Variants in SYTL3 observed in about 807,000 individuals in gnomAD.
The protein encoded by SYTL3 is synaptotagmin like 3.
SYTL3 carries 88 observed loss-of-function variants against 82.1 expected under a neutral mutation model. That is an observed-to-expected ratio of 1.07 (90% CI 0.90 to 1.28). SYTL3 has a LOEUF of 1.28. Among genes scored for constraint, SYTL3 ranks in the 50% most tolerant of loss-of-function variants. SYTL3 has a pLI of 0.00. For synonymous variants in SYTL3, 311 were observed against 289.4 expected, an observed-to-expected ratio of 1.07 and a Z score of -0.76; for missense variants, 831 against 757.6, an observed-to-expected ratio of 1.10 and a Z score of -1.14.
In SYTL3 at chr6:158,725,819, C is replaced by T. The variant is rs796851582; in HGVS notation, c.855+182C>T. 29 of 855,178 alleles carry T rather than the reference C, an allele frequency of 3.4e-5. 1 individual carries two copies. Among genetic ancestry groups the T allele is most frequent in the East Asian group, 2.7e-4 (11 of 40,942 alleles). The allele number at this position is 855,178 out of a possible 1,614,324, so 53.0% of individuals were successfully genotyped here. ...GCTTCCACAGGTTTTAGTAAAGTTG[C>T]GTTATCCTCAGGCCTGTGTCTTGGA... On this transcript the variant is annotated intron_variant, in intron 11 of 17. Coordinates refer to ENST00000611299, the MANE Select transcript of SYTL3 (RefSeq NM_001242394.2).
At chr6:158,760,312 T>C (rs1481530629) in intron 14 of SYTL3, among the ~76,000 whole-genome samples, 1 of 152,126 alleles carries the variant, frequency 6.6e-6, no homozygotes, top group Non-Finnish European at 1.5e-5. Context: ...TTCATTTCTG[T>C]TTTTCAAACT....
At chr6:158,722,762 G>GT (rs34189391) in intron 10 of SYTL3, among the ~76,000 whole-genome samples, 2,847 of 80,836 alleles carry the variant, frequency 0.035, 274 homozygotes, top group African/African-American at 0.093. Flanking sequence ...TCTCTTTTCT[G>GT]TTTTTTTTTT....
At chr6:158,649,965 C>T (rs147763443), upstream of SYTL3, 10 of 152,246 alleles carry the variant, frequency 6.6e-5, no homozygotes, top group East Asian at 1.9e-3. Flanking sequence ...TGCACTGCGT[C>T]AGCCTGTGCC....
chr6:158,711,642 A>G (rs1782777067), intron 8 of SYTL3, among the ~76,000 whole-genome samples: 1 of 152,212 alleles, frequency 6.6e-6, no homozygotes, highest in Non-Finnish European at 1.5e-5. Flanking sequence ...TAGGAAAGTA[A>G]AGGAATAAAG....
chr6:158,730,735 T>C (rs1309473514), intron 11 of SYTL3, among the ~76,000 whole-genome samples: 3 of 151,970 alleles, frequency 2.0e-5, no homozygotes, highest in Non-Finnish European at 4.4e-5. Flanking sequence ...GCTGGTAAAA[T>C]ATTTCCTTGG....
chr6:158,658,300 C>T (rs890566298), intron 2 of SYTL3, among the ~76,000 whole-genome samples: 2 of 152,146 alleles, frequency 1.3e-5, no homozygotes, highest in Non-Finnish European at 2.9e-5. Context: ...GCCTAAATGA[C>T]TTGTATGATT....
intron 12 of SYTL3, among the ~76,000 whole-genome samples, chr6:158,749,501 TTC>T (rs1253102589): frequency 0.013 from 1,646 of 126,358 alleles, 52 homozygotes; most frequent in African/African-American, 0.025. Flanking sequence ...CTTCTTTTCT[TTC>T]TCTCTTTTTT....
intron 11 of SYTL3, among the ~76,000 whole-genome samples, chr6:158,736,244 G>C (rs1159790665): frequency 6.6e-6 from 1 of 151,806 alleles, no homozygotes; most frequent in Non-Finnish European, 1.5e-5. Flanking sequence ...CCAGCTACTC[G>C]GGAGGCTGAG....
chr6:158,752,564 G>A (rs1273934503), intron 13 of SYTL3, among the ~76,000 whole-genome samples: 1 of 152,180 alleles, frequency 6.6e-6, no homozygotes, highest in African/African-American at 2.4e-5. Flanking sequence ...ACTAGGAAAT[G>A]TGATTGATGG....
intron 11 of SYTL3, among the ~76,000 whole-genome samples, chr6:158,730,872 G>C (rs145327162): frequency 6.6e-6 from 1 of 152,264 alleles, no homozygotes; most frequent in African/African-American, 2.4e-5. Flanking sequence ...AAGCCGCCAG[G>C]GGGCGGGTCG....
Position 158,715,599 on chromosome 6 carries a change from T to TCACACACACACACACA in SYTL3, c.595+1723_595+1738dup, listed in dbSNP as rs72372107. ...ATATGGAAAGCAGACTGAAACCGCA[T>TCACACACACACACACA]CACACACACACACACACGCACGCAC... On this transcript the variant is annotated intron_variant, in intron 9 of 17. Coordinates refer to ENST00000611299, the MANE Select transcript of SYTL3 (RefSeq NM_001242394.2). Among the ~76,000 whole-genome samples the TCACACACACACACACA allele has an allele frequency of 4.8e-3, 563 of 116,504 alleles. 6 individuals are homozygous for TCACACACACACACACA. Among genetic ancestry groups the TCACACACACACACACA allele is most frequent in the Non-Finnish European group, 4.7e-3 (264 of 56,720 alleles). 76.4% of individuals were successfully genotyped at this position (116,504 alleles called of 152,430 possible). A position where few individuals can be genotyped will look rare whatever the true frequency, so the allele number is the denominator to read the frequency against.
At chr6:158,682,192 G>A (rs145115304) in intron 5 of SYTL3, among the ~76,000 whole-genome samples, 2,047 of 152,142 alleles carry the variant, frequency 0.013, 29 homozygotes, top group African/African-American at 0.027. Flanking sequence ...ACCCACCTTG[G>A]CCTCCCAAAG....
At chr6:158,721,175 C>T (rs997993790) in intron 10 of SYTL3, among the ~76,000 whole-genome samples, 1 of 152,258 alleles carries the variant, frequency 6.6e-6, no homozygotes, top group South Asian at 2.1e-4. Flanking sequence ...TTTCTGCAGG[C>T]CTTCTCTCTC....
At chr6:158,709,999 C>T (rs1218585093) in intron 8 of SYTL3, among the ~76,000 whole-genome samples, 5 of 152,124 alleles carry the variant, frequency 3.3e-5, no homozygotes, top group East Asian at 3.8e-4. Flanking sequence ...TGCGCCAATG[C>T]GTTCCAGCCT....
chr6:158,707,206 G>T, intron 6 of SYTL3, 24 bp from the exon 7 acceptor site: 1 of 1,611,916 alleles, frequency 6.2e-7, no homozygotes, highest in South Asian at 1.1e-5. Context: ...AATAATAAAC[G>T]CCCTCTATGG....
intron 5 of SYTL3, among the ~76,000 whole-genome samples, chr6:158,668,535 GTC>G (rs1293386328): frequency 5.3e-5 from 8 of 151,530 alleles, no homozygotes. Context: ...GGCCGGCAGA[GTC>G]TTAAAAGCCA....
chr6:158,648,605 A>G (rs1554234543), upstream of SYTL3, among the ~76,000 whole-genome samples: 1 of 104,770 alleles, frequency 9.5e-6, no homozygotes, highest in Non-Finnish European at 2.3e-5. Context: ...AAAAAAAAAA[A>G]AAAATAATAA....
chr6:158,669,146 CTA>C (rs531205241), intron 5 of SYTL3, among the ~76,000 whole-genome samples: 145 of 152,290 alleles, frequency 9.5e-4, no homozygotes, highest in African/African-American at 3.2e-3. Flanking sequence ...AAGGAGGAGA[CTA>C]TGCTTTGTAT....
chr6:158,659,916 C>T (rs898132334), intron 2 of SYTL3, among the ~76,000 whole-genome samples: 2 of 152,148 alleles, frequency 1.3e-5, no homozygotes, highest in Non-Finnish European at 2.9e-5. Flanking sequence ...TTGTAAGCTG[C>T]ATCATATTTT....
Sources: allele counts gnomAD v4.1 joint callset (sites outside exome capture counted in the v4.1 genomes callset), GRCh38; gene constraint gnomAD v4.1.1; transcripts MANE v1.5; gene names NCBI Gene and HGNC (gene_info 2026-07-23, HGNC 2026-07-21).